The following DLGAP2 variants were observed in gnomAD, a reference collection of about 807,000 sequenced individuals.
The protein encoded by DLGAP2 is DLG associated protein 2.
In DLGAP2, 26 loss-of-function variants were observed where a neutral mutation model predicts 100.3. That is an observed-to-expected ratio of 0.26 (90% CI 0.19 to 0.36). The LOEUF (loss-of-function observed/expected upper bound fraction) is 0.36. DLGAP2 is among the 10% of genes least tolerant of loss of function. The pLI is 1.00. For missense variants in DLGAP2, 1,858 were observed against 1,453.2 expected, an observed-to-expected ratio of 1.28 and a Z score of -4.53; for synonymous variants, 886 against 630.1, an observed-to-expected ratio of 1.41 and a Z score of -6.08.
intron 2 of DLGAP2, among the ~76,000 whole-genome samples, chr8:1,063,739 T>A (rs1400356008): frequency 1.3e-5 from 2 of 152,130 alleles, no homozygotes; most frequent in African/African-American, 4.8e-5. Flanking sequence ...GCATGGCCAA[T>A]AGGAAGATGT....
intron 1 of DLGAP2, among the ~76,000 whole-genome samples, chr8:874,738 C>T (rs1797658525): frequency 6.6e-6 from 1 of 152,158 alleles, no homozygotes; most frequent in African/African-American, 2.4e-5. Flanking sequence ...AATGGGTTTA[C>T]AGTGTTGTTC....
At chr8:1,121,733 A>C (rs1470101407) in intron 2 of DLGAP2, among the ~76,000 whole-genome samples, 4 of 82,262 alleles carry the variant, frequency 4.9e-5, no homozygotes, top group Non-Finnish European at 1.1e-4. Flanking sequence ...TTTAGAACCC[A>C]CAACCACCCG....
chr8:981,144 A>G (rs533872565), intron 2 of DLGAP2, among the ~76,000 whole-genome samples: 4 of 152,154 alleles, frequency 2.6e-5, no homozygotes, highest in East Asian at 1.9e-4. Context: ...CCTATGCTAG[A>G]TATTTCATGT....
At chr8:1,006,144 G>A (rs932475816) in intron 2 of DLGAP2, among the ~76,000 whole-genome samples, 4 of 152,034 alleles carry the variant, frequency 2.6e-5, no homozygotes, top group Admixed American at 6.5e-5. Flanking sequence ...AGCCGAGATC[G>A]CACCACTGCA....
intron 6 of DLGAP2, among the ~76,000 whole-genome samples, chr8:1,579,598 A>G (rs1053806116): frequency 2.6e-5 from 4 of 152,170 alleles, no homozygotes; most frequent in African/African-American, 9.7e-5. Context: ...CAATAAAGAA[A>G]AAAATGAATG....
intron 4 of DLGAP2, among the ~76,000 whole-genome samples, chr8:1,506,641 A>G (rs945806653): frequency 2.0e-5 from 3 of 152,212 alleles, no homozygotes; most frequent in Admixed American, 6.5e-5. Flanking sequence ...GACTGCTTTT[A>G]TTCCCTTATC....
intron 3 of DLGAP2, among the ~76,000 whole-genome samples, chr8:1,356,993 A>C (rs1327154479): frequency 6.6e-6 from 1 of 152,174 alleles, no homozygotes; most frequent in Non-Finnish European, 1.5e-5. Context: ...CCTGGAACAC[A>C]CAGCGGGGTA....
At chr8:1,113,505 G>A (rs75056900) in intron 2 of DLGAP2, among the ~76,000 whole-genome samples, 1 of 152,130 alleles carries the variant, frequency 6.6e-6, no homozygotes, top group Non-Finnish European at 1.5e-5. Flanking sequence ...CAGCTTGGCT[G>A]TTTTTGGTGT....
chr8:1,326,266 A>G, intron 3 of DLGAP2, among the ~76,000 whole-genome samples: 1 of 152,274 alleles, frequency 6.6e-6, no homozygotes, highest in East Asian at 1.9e-4. Context: ...ATGCAGAATC[A>G]GTGAAATTAG....
At chr8:1,669,052 A>C (rs1798621753) in intron 9 of DLGAP2, among the ~76,000 whole-genome samples, 1 of 152,144 alleles carries the variant, frequency 6.6e-6, no homozygotes, top group Non-Finnish European at 1.5e-5. Context: ...TTGAAGTCTG[A>C]TTTTTCAAAA....
At chr8:1,040,633 C>T (rs1371086076) in intron 2 of DLGAP2, among the ~76,000 whole-genome samples, 1 of 148,616 alleles carries the variant, frequency 6.7e-6, no homozygotes, top group Non-Finnish European at 1.5e-5. Flanking sequence ...GCTCGATTTC[C>T]GTGGTTGGCT....
At chr8:1,555,148 G>T (rs1321782678) in intron 5 of DLGAP2, among the ~76,000 whole-genome samples, 4 of 152,136 alleles carry the variant, frequency 2.6e-5, no homozygotes, top group Admixed American at 1.3e-4. Context: ...TAGTGGAATA[G>T]CAGGTCCGGG....
At chr8:937,813 C>T (rs986436730) in intron 2 of DLGAP2, among the ~76,000 whole-genome samples, 1 of 152,136 alleles carries the variant, frequency 6.6e-6, no homozygotes, top group Non-Finnish European at 1.5e-5. Flanking sequence ...TTTTCTCTTA[C>T]CGAAAGTGAA....
chr8:1,549,950 G>A lies in DLGAP2; in HGVS notation c.1230+267G>A, dbSNP rs866596843. Among the ~76,000 whole-genome samples the A allele has an allele frequency of 8.5e-5, 13 of 152,244 alleles. No homozygotes were observed. In the Middle Eastern group the frequency reaches 0.01, roughly 120 times the overall value. On this transcript the variant is annotated intron_variant, in intron 5 of 14. Transcript: ENST00000637795. ...TACGTGGTTGTTAACTGCAGTTACC[G>A]TGCTGGCCAACAGGTCTCTTGAGCT...
chr8:1,443,355 G>C (rs914706230), intron 3 of DLGAP2, among the ~76,000 whole-genome samples: 3 of 151,080 alleles, frequency 2.0e-5, no homozygotes, highest in Admixed American at 1.3e-4. Flanking sequence ...CCACTGCCCA[G>C]AGATAATCGC....
At chr8:1,081,129 C>T (rs571774091) in intron 2 of DLGAP2, among the ~76,000 whole-genome samples, 10 of 152,084 alleles carry the variant, frequency 6.6e-5, no homozygotes, top group Middle Eastern at 3.4e-3. Flanking sequence ...TAATGCTGAA[C>T]GTGCCACCTT....
At chr8:887,749 T>C (rs764243869) in intron 1 of DLGAP2, among the ~76,000 whole-genome samples, 1 of 152,206 alleles carries the variant, frequency 6.6e-6, no homozygotes, top group African/African-American at 2.4e-5. Context: ...CTGCTGTTAG[T>C]CTGATGGGCT....
rs1030849057 is a variant in DLGAP2, at chr8:877,258, T to A, written c.19-30654T>A. ...GACATTTTGATATATAATGTCACAG[T>A]TCTTGCCAGTGATAGTGGTCCTTCC... On this transcript the variant is annotated intron_variant, in intron 1 of 14. Transcript: ENST00000637795. Among the ~76,000 whole-genome samples the A allele has an allele frequency of 2.1e-4, 32 of 152,326 alleles. 1 individual carries two copies. Among genetic ancestry groups the A allele is most frequent in the Admixed American group, 1.8e-3 (27 of 15,298 alleles).
chr8:811,540 T>A (rs55960817), intron 1 of DLGAP2, among the ~76,000 whole-genome samples: 6 of 129,094 alleles, frequency 4.6e-5, no homozygotes, highest in South Asian at 2.6e-4. Flanking sequence ...GCTCCCATCA[T>A]CCTTGGAATG....
Sources: allele counts gnomAD v4.1 joint callset (sites outside exome capture counted in the v4.1 genomes callset), GRCh38; gene constraint gnomAD v4.1.1; transcripts MANE v1.5; gene names NCBI Gene and HGNC (gene_info 2026-07-23, HGNC 2026-07-21).